Variants in PTPRZ1 observed in about 807,000 individuals in gnomAD.
PTPRZ1 encodes the protein protein tyrosine phosphatase receptor type Z1, also known as receptor-type tyrosine-protein phosphatase zeta.
Under a neutral mutation model 214.1 loss-of-function variants are expected in PTPRZ1, and 82 were observed. The ratio of observed to expected loss-of-function variants is 0.38; its 90% CI spans 0.32 to 0.46. The LOEUF (loss-of-function observed/expected upper bound fraction) is 0.46, where lower values mean the gene tolerates loss of function less well. Ranked by LOEUF, PTPRZ1 falls within the 20% of genes least tolerant of loss-of-function variation. PTPRZ1 has a pLI of 1.00. For missense variants in PTPRZ1, 2,603 were observed against 2,748.7 expected, an observed-to-expected ratio of 0.95 and a Z score of 1.19; for synonymous variants, 945 against 987.9, an observed-to-expected ratio of 0.96 and a Z score of 0.81.
intron 11 of PTPRZ1, among the ~76,000 whole-genome samples, chr7:122,009,269 A>G (rs1359836597): frequency 6.6e-6 from 1 of 152,098 alleles, no homozygotes; most frequent in Non-Finnish European, 1.5e-5. Context: ...ACACATGCTC[A>G]TGAGCACACA....
intron 8 of PTPRZ1, among the ~76,000 whole-genome samples, chr7:121,992,019 G>A (rs930505842): frequency 1.3e-5 from 2 of 152,172 alleles, no homozygotes; most frequent in Non-Finnish European, 2.9e-5. Flanking sequence ...GGACTTATTA[G>A]CATGTATTTA....
chr7:122,025,291 A>G (rs1799175952), intron 13 of PTPRZ1, among the ~76,000 whole-genome samples: 2 of 151,382 alleles, frequency 1.3e-5, no homozygotes, highest in Admixed American at 1.3e-4. Flanking sequence ...TCTTAGATTG[A>G]TTAGGTGTAT....
Position 121,995,115 on chromosome 7 carries a change from T to TAA in PTPRZ1, c.929-1267_929-1266insAA, listed in dbSNP as rs1296006068. Among the ~76,000 whole-genome samples, 877 of 152,322 alleles carry TAA rather than the reference T, an allele frequency of 5.8e-3. 7 individuals carry two copies. The highest frequency in any genetic ancestry group is 0.019 in the African/African-American group (800 of 41,580). The stretch of plus-strand genomic sequence containing the variant: ...TACTAAGTATTATATGTAAAATTTG[T>TAA]TTCCATTTGTAAGACCAATTGTTAG... On this transcript the variant is annotated intron_variant, in intron 8 of 29. Coordinates refer to ENST00000393386, the MANE Select transcript of PTPRZ1 (RefSeq NM_002851.3).
intron 8 of PTPRZ1, among the ~76,000 whole-genome samples, chr7:121,991,656 A>G (rs1797965817): frequency 6.6e-6 from 1 of 152,176 alleles, no homozygotes; most frequent in African/African-American, 2.4e-5. Flanking sequence ...TGAAATGAAT[A>G]TTATTTACTT....
chr7:122,057,314 T>G (rs1792383740), intron 27 of PTPRZ1, among the ~76,000 whole-genome samples: 1 of 151,972 alleles, frequency 6.6e-6, no homozygotes, highest in African/African-American at 2.4e-5. Flanking sequence ...CTTGTTGGTT[T>G]TAATTTGCAT....
At chr7:122,042,071 T>A (rs1799748154) in intron 21 of PTPRZ1, among the ~76,000 whole-genome samples, 3 of 152,194 alleles carry the variant, frequency 2.0e-5, no homozygotes, top group African/African-American at 7.2e-5. Context: ...TAATGGCCCT[T>A]TAGAAATAAC....
At chr7:122,053,435 G>A (rs912905826) in intron 25 of PTPRZ1, among the ~76,000 whole-genome samples, 1 of 152,170 alleles carries the variant, frequency 6.6e-6, no homozygotes, top group Admixed American at 6.5e-5. Context: ...AGGAACTGGT[G>A]GATGGGACGA....
rs931889080 is a variant in PTPRZ1, at chr7:121,977,789, T to C, written c.619+938T>C. On this transcript the variant is annotated intron_variant, in intron 6 of 29. Coordinates refer to ENST00000393386, the MANE Select transcript of PTPRZ1 (RefSeq NM_002851.3). Reference sequence around the variant, plus strand: ...TCAACCCAGATTGCAAAATTCTACATTGAATGCGATAAGTCACATTTAATT... The same window carrying C: ...TCAACCCAGATTGCAAAATTCTACACTGAATGCGATAAGTCACATTTAATT... Among the ~76,000 whole-genome samples the C allele has an allele frequency of 3.9e-5, 6 of 152,044 alleles. No homozygotes were observed. The East Asian group carries it at 1.2e-3, about 30-fold the overall frequency.
At chr7:121,979,878 T>G (rs986336519) in intron 6 of PTPRZ1, among the ~76,000 whole-genome samples, 1 of 152,168 alleles carries the variant, frequency 6.6e-6, no homozygotes, top group African/African-American at 2.4e-5. Context: ...TGAAATTTTG[T>G]TAGAAGAAAA....
intron 5 of PTPRZ1, 120 bp from the exon 6 acceptor site, chr7:121,976,665 T>A: frequency 1.3e-6 from 1 of 794,396 alleles, no homozygotes; most frequent in Non-Finnish European, 1.9e-6. Context: ...AAAAGTGTTT[T>A]TGGAACTTAC....
At chr7:121,944,142 A>G (rs1225336375) in intron 2 of PTPRZ1, among the ~76,000 whole-genome samples, 2 of 152,170 alleles carry the variant, frequency 1.3e-5, no homozygotes, top group African/African-American at 2.4e-5. Context: ...CTTTACCTAC[A>G]TAGGGAAATT....
At chr7:122,033,366 G>A (rs1022008362) in intron 15 of PTPRZ1, among the ~76,000 whole-genome samples, 1 of 151,426 alleles carries the variant, frequency 6.6e-6, no homozygotes, top group African/African-American at 2.4e-5. Flanking sequence ...TACTTTCTCA[G>A]AAATTATAAG....
chr7:121,941,701 A>C (rs1158042067), intron 2 of PTPRZ1, among the ~76,000 whole-genome samples: 1 of 152,088 alleles, frequency 6.6e-6, no homozygotes, highest in Non-Finnish European at 1.5e-5. Context: ...CTGCCTTTTG[A>C]TATTTCCTCA....
chr7:122,059,441 T>C (rs1437434542), intron 28 of PTPRZ1: 2 of 200,236 alleles, frequency 1.0e-5, no homozygotes, highest in Non-Finnish European at 2.0e-5. Flanking sequence ...ATATTATATG[T>C]GTATTATACA....
chr7:122,008,826 C>T (rs551896564), intron 11 of PTPRZ1, among the ~76,000 whole-genome samples: 2 of 152,208 alleles, frequency 1.3e-5, no homozygotes, highest in African/African-American at 4.8e-5. Context: ...CATTATAAAA[C>T]AAATATTTAT....
chr7:121,956,563 A>G (rs1346584626), intron 2 of PTPRZ1, among the ~76,000 whole-genome samples: 5 of 152,260 alleles, frequency 3.3e-5, no homozygotes, highest in Admixed American at 3.3e-4. Flanking sequence ...TTGAAGATTC[A>G]CAATCTAGAA....
At chr7:121,995,805 G>A (rs1481882811) in intron 8 of PTPRZ1, among the ~76,000 whole-genome samples, 1 of 152,148 alleles carries the variant, frequency 6.6e-6, no homozygotes, top group Non-Finnish European at 1.5e-5. Flanking sequence ...TCCGATAATA[G>A]TATGTCTTTC....
intron 21 of PTPRZ1, 135 bp downstream of exon 21, chr7:122,041,114 A>G (rs1424660295): frequency 2.6e-6 from 2 of 770,864 alleles, no homozygotes; most frequent in South Asian, 8.3e-5. Context: ...GTTCATTTTC[A>G]TAAGTATTGA....
intron 12 of PTPRZ1, among the ~76,000 whole-genome samples, chr7:122,017,993 A>G (rs1354184307): frequency 6.6e-6 from 1 of 152,174 alleles, no homozygotes; most frequent in African/African-American, 2.4e-5. Context: ...TTTTAATGCT[A>G]TATATGTGCA....
Sources: allele counts gnomAD v4.1 joint callset (sites outside exome capture counted in the v4.1 genomes callset), GRCh38; gene constraint gnomAD v4.1.1; transcripts MANE v1.5; gene names NCBI Gene and HGNC (gene_info 2026-07-23, HGNC 2026-07-21).